Variants in PIK3CB observed in about 807,000 individuals in gnomAD.
The protein encoded by PIK3CB is phosphatidylinositol-4,5-bisphosphate 3-kinase catalytic subunit beta.
PIK3CB carries 39 observed loss-of-function variants against 136.8 expected under a neutral mutation model. The observed-to-expected ratio is 0.29, with a 90% CI of 0.22 to 0.37. The LOEUF is 0.37. Among genes scored for constraint, PIK3CB ranks in the 10% least tolerant of loss-of-function variants. The pLI, the probability that PIK3CB is intolerant of heterozygous loss-of-function variation, is 1.00. For synonymous variants in PIK3CB, 428 were observed against 436.6 expected (o/e 0.98, Z 0.25); for missense variants, 868 against 1,275.4 (o/e 0.68, Z 4.87).
At chr3:138,693,993 T>TATATATATA (rs1559819951) in intron 14 of PIK3CB, among the ~76,000 whole-genome samples, 16 of 120,120 alleles carry the variant, frequency 1.3e-4, no homozygotes, top group East Asian at 2.7e-4. Flanking sequence ...TATATATATA[T>TATATATATA]TTTAAACCCA....
At chr3:138,833,796 T>C (rs1180598440) in intron 1 of PIK3CB, among the ~76,000 whole-genome samples, 1 of 152,182 alleles carries the variant, frequency 6.6e-6, no homozygotes, top group Non-Finnish European at 1.5e-5. Context: ...AGCAAAGCAC[T>C]TCAAGTTTAC....
chr3:138,700,942 A>G (rs1447203927), intron 12 of PIK3CB, among the ~76,000 whole-genome samples: 1 of 152,166 alleles, frequency 6.6e-6, no homozygotes, highest in African/African-American at 2.4e-5. Context: ...ACGCCCCCAC[A>G]AAACCTTTAT....
chr3:138,712,014 AAAG>A (rs147536934), intron 10 of PIK3CB, among the ~76,000 whole-genome samples, 191 bp downstream of exon 10: 2,167 of 152,018 alleles, frequency 0.014, 20 homozygotes, highest in Non-Finnish European at 0.02. Flanking sequence ...CAAAATTTGT[AAAG>A]AAATCTACTC....
At chr3:138,656,057 C>T in intron 23 of PIK3CB, 85 bp downstream of exon 23, 29 of 1,385,336 alleles carry the variant, frequency 2.1e-5, no homozygotes, top group Non-Finnish European at 2.9e-5. Context: ...TGTTCTACTT[C>T]CTTCAGCCAC....
At chr3:138,810,860 C>A (rs1441231453) in intron 1 of PIK3CB, among the ~76,000 whole-genome samples, 1 of 151,772 alleles carries the variant, frequency 6.6e-6, no homozygotes, top group East Asian at 1.9e-4. Flanking sequence ...GCGGAGCTTG[C>A]AGTGAGCCGA....
chr3:138,688,941 T>C lies in PIK3CB; in HGVS notation c.2070A>G (p.Gln690=). The change falls in exon 16 of 24, where the codon CAA becomes CAG. Residue 690 remains glutamine (Q), a synonymous_variant. Transcript: ENST00000674063. ...AGTATGCTTCAAGGATGACACCAAA[T>C]TGTACTGAGACAGCAGGAATGTGCA... The part of the protein sequence containing the change: ...SEVHIPAVSV[Q]FGVILEAYCR... 1.2e-6 allele frequency: 2 copies of C among 1,613,808 alleles called. No homozygotes were observed. Among genetic ancestry groups the C allele is most frequent in the South Asian group, 1.1e-5 (1 of 91,078 alleles).
At chr3:138,680,064 T>C (rs2043735347) in intron 19 of PIK3CB, among the ~76,000 whole-genome samples, 1 of 150,112 alleles carries the variant, frequency 6.7e-6, no homozygotes, top group South Asian at 2.1e-4. Context: ...TAACTGCATA[T>C]AAAAAGAAGA....
chr3:138,667,789 G>A (rs779315413), intron 19 of PIK3CB, among the ~76,000 whole-genome samples: 10 of 151,140 alleles, frequency 6.6e-5, no homozygotes, highest in Non-Finnish European at 1.0e-4. Context: ...CTTTTCATCC[G>A]GGCACGGTGG....
intron 21 of PIK3CB, among the ~76,000 whole-genome samples, chr3:138,663,319 C>T (rs905891375): frequency 9.2e-5 from 14 of 152,196 alleles, no homozygotes; most frequent in Admixed American, 7.2e-4. Flanking sequence ...CTGTTAGGTA[C>T]AAATGTATCC....
chr3:138,829,867 A>T (rs1933944687), intron 1 of PIK3CB, among the ~76,000 whole-genome samples: 1 of 152,208 alleles, frequency 6.6e-6, no homozygotes, highest in Non-Finnish European at 1.5e-5. Flanking sequence ...ACATTGAAAG[A>T]CGCCTAAAAA....
At chr3:138,707,657 A>G (rs1161526478) in intron 10 of PIK3CB, 2 of 595,040 alleles carry the variant, frequency 3.4e-6, no homozygotes, top group African/African-American at 2.0e-5. Flanking sequence ...AATCACATGT[A>G]ATCTGGTTTT....
chr3:138,815,162 A>AAAAAAAAATAT (rs1553743711), intron 1 of PIK3CB, among the ~76,000 whole-genome samples: 6 of 62,476 alleles, frequency 9.6e-5, no homozygotes, highest in South Asian at 4.9e-4. Context: ...AAAAAAAAAA[A>AAAAAAAAATAT]ATATATATAT....
intron 2 of PIK3CB, among the ~76,000 whole-genome samples, chr3:138,790,648 C>CAA (rs770490275): frequency 1.0e-5 from 1 of 98,602 alleles, no homozygotes; most frequent in South Asian, 3.1e-4. Context: ...ACTAAAAATA[C>CAA]AAAAAAAAAA....
intron 7 of PIK3CB, among the ~76,000 whole-genome samples, chr3:138,734,077 A>G (rs2108642306): frequency 6.6e-6 from 1 of 152,214 alleles, no homozygotes; most frequent in East Asian, 1.9e-4. Flanking sequence ...GAGTAGTTCA[A>G]TATACAATTT....
At chr3:138,763,119 T>TTTG (rs1314697608) in intron 2 of PIK3CB, among the ~76,000 whole-genome samples, 2 of 150,426 alleles carry the variant, frequency 1.3e-5, no homozygotes, top group South Asian at 2.1e-4. Flanking sequence ...AAAATGAAAG[T>TTTG]TAGTATGTAT....
chr3:138,761,939 C>CAAA (rs762943021), intron 2 of PIK3CB, among the ~76,000 whole-genome samples: 3 of 135,912 alleles, frequency 2.2e-5, no homozygotes, highest in Non-Finnish European at 4.7e-5. Flanking sequence ...GACTCTGTCT[C>CAAA]AAAAAAAAAA....
chr3:138,699,886 G>A (rs1217568637), intron 12 of PIK3CB, among the ~76,000 whole-genome samples: 1 of 151,900 alleles, frequency 6.6e-6, no homozygotes, highest in African/African-American at 2.4e-5. Context: ...ATACCCAGGG[G>A]CAATGAGCAT....
intron 1 of PIK3CB, among the ~76,000 whole-genome samples, chr3:138,799,176 C>CTTTTTTTT (rs1157343453): frequency 7.6e-6 from 1 of 130,968 alleles, no homozygotes; most frequent in Non-Finnish European, 1.6e-5. Context: ...TCAAATCTTA[C>CTTTTTTTT]TTTTTTTTTT....
chr3:138,812,897 T>C (rs1371178328), intron 1 of PIK3CB, among the ~76,000 whole-genome samples: 1 of 152,094 alleles, frequency 6.6e-6, no homozygotes, highest in Non-Finnish European at 1.5e-5. Flanking sequence ...AATCTATATA[T>C]ATAATAAAAC....
Sources: allele counts gnomAD v4.1 joint callset (sites outside exome capture counted in the v4.1 genomes callset), GRCh38; gene constraint gnomAD v4.1.1; transcripts MANE v1.5; gene names NCBI Gene and HGNC (gene_info 2026-07-23, HGNC 2026-07-21).